LY75: variants seen among roughly 807,000 people sequenced by gnomAD.
LY75 encodes lymphocyte antigen 75, also known as C-type lectin domain family 13 member B.
Under a neutral mutation model 231.7 loss-of-function variants are expected in LY75, and 185 were observed. The ratio of observed to expected loss-of-function variants is 0.80; its 90% confidence interval spans 0.71 to 0.90. LY75 has a LOEUF of 0.90. Ranked by LOEUF, LY75 falls within the 40% of genes least tolerant of loss-of-function variation. The pLI is 0.00. For synonymous variants in LY75, 668 were observed against 689.0 expected, an observed-to-expected ratio of 0.97 and a Z score of 0.48; for missense variants, 1,947 against 2,050.2, an observed-to-expected ratio of 0.95 and a Z score of 0.97.
chr2:159,836,675 C>G (rs1683839984), intron 25 of LY75, among the ~76,000 whole-genome samples: 1 of 152,224 alleles, frequency 6.6e-6, no homozygotes, highest in South Asian at 2.1e-4. Flanking sequence ...CACAGTCAAG[C>G]CTCAACACCA....
intron 3 of LY75, among the ~76,000 whole-genome samples, chr2:159,891,036 A>G (rs1321327189): frequency 6.6e-6 from 1 of 152,180 alleles, no homozygotes; most frequent in East Asian, 1.9e-4. Flanking sequence ...CCTGAATGAG[A>G]AATAAAAATT....
At chr2:159,847,527 G>A (rs963630084) in intron 23 of LY75, among the ~76,000 whole-genome samples, 1 of 152,034 alleles carries the variant, frequency 6.6e-6, no homozygotes, top group Non-Finnish European at 1.5e-5. Flanking sequence ...GACTCTGCAT[G>A]CATAGGCTGC....
intron 1 of LY75, chr2:159,903,448 C>T (rs1686139594): frequency 6.6e-6 from 1 of 152,118 alleles, no homozygotes; most frequent in Admixed American, 6.5e-5. Flanking sequence ...TTTGGTAGTT[C>T]CTAGCACACA....
intron 28 of LY75, among the ~76,000 whole-genome samples, chr2:159,821,638 G>T: frequency 3.3e-5 from 1 of 30,418 alleles, no homozygotes; most frequent in South Asian, 6.2e-4. Flanking sequence ...AAAAAGAAAA[G>T]AAAAGAAAGA....
At chr2:159,879,756 C>T (rs142447918) in intron 8 of LY75, among the ~76,000 whole-genome samples, 34 of 152,254 alleles carry the variant, frequency 2.2e-4, no homozygotes, top group African/African-American at 6.3e-4. Flanking sequence ...CTCCCTTTCT[C>T]GGTTTCCTCA....
At chr2:159,884,147 C>T (rs1286053545) in intron 6 of LY75, among the ~76,000 whole-genome samples, 1 of 152,200 alleles carries the variant, frequency 6.6e-6, no homozygotes, top group Non-Finnish European at 1.5e-5. Flanking sequence ...TGCCTGCCAC[C>T]ATTCATGTAA....
At chr2:159,840,658 A>G in intron 25 of LY75, 71 bp downstream of exon 25, 1 of 1,592,358 alleles carries the variant, frequency 6.3e-7, no homozygotes, top group Non-Finnish European at 8.6e-7. Context: ...GTCTGCTGTG[A>G]GAGAAGCTAT....
rs138547845 is a variant in LY75, at chr2:159,834,147, A to G, written c.3738T>C (p.Thr1246=). The G allele has an allele frequency of 1.9e-6, 3 of 1,614,050 alleles. No homozygotes were observed. Among genetic ancestry groups the G allele is most frequent in the Non-Finnish European group, 2.5e-6 (3 of 1,179,960 alleles). The change falls in exon 27 of 35, where the codon ACT becomes ACC. Residue 1246 remains threonine (T), a synonymous_variant. Transcript: ENST00000263636. The part of the protein sequence containing the change: ...SVKCPSPVLN[T]PWIPFQNCCY... ...AACAGTTCTGAAATGGTATCCACGG[A>G]GTATTTAGAACAGGAGATGGACATT... is the stretch of plus-strand genomic sequence containing the variant.
chr2:159,807,021 C>CT lies in LY75; in HGVS notation c.4941dup (p.Val1648SerfsTer2), dbSNP rs774445277. On this transcript the variant is annotated frameshift_variant, in exon 34 of 35. Transcript: ENST00000263636. LOFTEE classifies it high-confidence loss of function. ...CTTCCAAAACCATGTTCACATTCAA[C>CT]TTTTTTCCAAGTTTCATTTGAAGCT... 1.2e-6 allele frequency: 2 copies of CT among 1,613,958 alleles called. No homozygotes were observed. The highest frequency in any genetic ancestry group is 1.7e-5 in the Admixed American group (1 of 60,000).
chr2:159,831,680 T>G lies in LY75; in HGVS notation c.3948A>C (p.Ile1316=). Residue 1316 remains isoleucine (I), a synonymous_variant, in exon 28 of 35, where the codon ATA becomes ATC. Transcript: ENST00000263636. ...NYMASWVMLG[I]TYRNKSLMWF... The stretch of plus-strand genomic sequence containing the variant: ...AGATTTACAACTTACTTCTATAAGT[T>G]ATTCCTAACATGACCCATGAAGCCA... 1.2e-6 allele frequency: 2 copies of G among 1,608,986 alleles called. No individual in the cohort carries two copies. Among genetic ancestry groups the G allele is most frequent in the Non-Finnish European group, 1.7e-6 (2 of 1,178,722 alleles).
intron 4 of LY75, among the ~76,000 whole-genome samples, chr2:159,889,776 T>G (rs1010977240): frequency 1.6e-4 from 24 of 152,180 alleles, no homozygotes; most frequent in African/African-American, 5.5e-4. Flanking sequence ...CACTTTAAGA[T>G]TTAGTAAAAC....
At chr2:159,852,835 A>G (rs1401433156) in intron 20 of LY75, among the ~76,000 whole-genome samples, 1 of 152,170 alleles carries the variant, frequency 6.6e-6, no homozygotes, top group African/African-American at 2.4e-5. Context: ...TTCTATGATT[A>G]TTTTTATCAG....
chr2:159,847,341 T>A (rs931800178), intron 23 of LY75, among the ~76,000 whole-genome samples: 2 of 152,016 alleles, frequency 1.3e-5, no homozygotes, highest in African/African-American at 4.8e-5. Flanking sequence ...ATTAAAACAA[T>A]TTTTTTTAGA....
At position 159,832,824 on chromosome 2, in the gene LY75, G is replaced by A. The variant is rs188074213; in HGVS notation, c.3842-1038C>T. Among the ~76,000 whole-genome samples, 636 of 152,046 alleles carry A rather than the reference G, an allele frequency of 4.2e-3. 7 individuals are homozygous for A. Among genetic ancestry groups the A allele is most frequent in the Non-Finnish European group, 6.9e-3 (470 of 67,986 alleles). On this transcript the variant is annotated intron_variant, in intron 27 of 34. Coordinates refer to ENST00000263636, the MANE Select transcript of LY75 (RefSeq NM_002349.4). The stretch of plus-strand genomic sequence containing the variant: ...CCATCTCTCAAGACTGATGTTATAC[G>A]GAGCATGCTTTGGGAAATACTGGTT...
chr2:159,846,831 A>C (rs917324857), intron 23 of LY75, among the ~76,000 whole-genome samples: 4 of 152,192 alleles, frequency 2.6e-5, no homozygotes, highest in African/African-American at 9.7e-5. Context: ...TTGATAGATA[A>C]ATTTGCAAAG....
chr2:159,836,610 T>C (rs1683837129), intron 25 of LY75, among the ~76,000 whole-genome samples: 1 of 152,200 alleles, frequency 6.6e-6, no homozygotes, highest in Admixed American at 6.5e-5. Flanking sequence ...ATCACTAGTT[T>C]ATTTGAAATA....
At chr2:159,872,776 A>G (rs968627492) in intron 12 of LY75, among the ~76,000 whole-genome samples, 183 bp from the exon 13 acceptor site, 17 of 152,130 alleles carry the variant, frequency 1.1e-4, no homozygotes, top group Non-Finnish European at 7.4e-5. Flanking sequence ...CAATTCAACT[A>G]AAGGCCAGCA....
rs1270838179 is a variant in LY75, at chr2:159,834,030, A to T, written c.3841+14T>A. ...CCTTATAGCAACATGAGAATGGACT[A>T]ATATAATACTTACTCAGTTTCTGGC... On this transcript the variant is annotated intron_variant, in intron 27 of 34. Transcript: ENST00000263636. 1 of 1,611,958 alleles carries T rather than the reference A, an allele frequency of 6.2e-7. No individual in the cohort carries two copies. Among genetic ancestry groups the T allele is most frequent in the Non-Finnish European group, 8.5e-7 (1 of 1,179,376 alleles).
At chr2:159,836,913 T>C (rs1016925625) in intron 25 of LY75, among the ~76,000 whole-genome samples, 1 of 152,216 alleles carries the variant, frequency 6.6e-6, no homozygotes, top group Admixed American at 6.5e-5. Flanking sequence ...AAATAAATCA[T>C]CCCACACCTT....
Sources: gnomAD v4.1 joint callset for allele counts (sites outside exome capture counted in the v4.1 genomes callset) on GRCh38, gnomAD v4.1.1 for gene constraint, MANE v1.5 for transcripts, NCBI Gene and HGNC (gene_info 2026-07-23, HGNC 2026-07-21) for gene names.